CNKSR2: variants seen among roughly 807,000 people sequenced by gnomAD.
CNKSR2 encodes CNK homolog protein 2.
A neutral mutation model predicts 84.4 loss-of-function variants in CNKSR2; 14 were observed. The ratio of observed to expected loss-of-function variants is 0.17; its 90% CI spans 0.11 to 0.26. CNKSR2 has a LOEUF of 0.26. CNKSR2 is among the 10% of genes least tolerant of loss of function. The probability of loss-of-function intolerance (pLI) is 1.00; values close to 1 mark genes in which losing one functional copy is unlikely to be tolerated. For synonymous variants in CNKSR2, 275 were observed against 277.9 expected (o/e 0.99, Z 0.10); for missense variants, 485 against 771.2 (o/e 0.63, Z 4.40).
intron 10 of CNKSR2, among the ~76,000 whole-genome samples, chrX:21,530,867 A>G (rs1217876298): frequency 1.8e-5 from 2 of 110,705 alleles, no homozygotes; most frequent in East Asian, 2.8e-4. Flanking sequence ...TTAATTACCT[A>G]TTGCAGTGTG....
rs139275873 is a variant in CNKSR2 at position 21,558,103 on chromosome X, C to T, written c.1304-3368C>T. 8.7e-3 allele frequency among the ~76,000 whole-genome samples: 968 copies of T among 111,326 alleles called. 7 individuals carry two copies. The highest frequency in any genetic ancestry group is 0.028 in the African/African-American group (871 of 30,806). On this transcript the variant is annotated intron_variant, in intron 11 of 21. Transcript: ENST00000379510. ...TCATAGATTTATCTTTCCATTTGAA[C>T]TTTGCTGTCCTGTGAAATTAAAATG...
In CNKSR2 at chrX:21,531,905, G is replaced by A; in HGVS notation, c.1141G>A (p.Gly381Ser). Residue 381 changes from glycine (G) to serine (S), a missense_variant, in exon 11 of 22, where the codon GGC becomes AGC. By Grantham distance (56) the Gly-to-Ser change is moderately conservative (BLOSUM62 0). This residue lies in a region of CNKSR2 where 132 missense variants were observed against 166.7 expected (regional missense o/e 0.79). Coordinates refer to ENST00000379510, the MANE Select transcript of CNKSR2 (RefSeq NM_014927.5). The part of the protein sequence containing the change: ...PCEDLRGHMV[G>S]KPVHKGSESP... ...TGAAGACCTCAGAGGACATATGGTG[G>A]GCAAGCCAGTGCATAAGGGATCTGA... is the stretch of plus-strand genomic sequence containing the variant. The A allele has an allele frequency of 8.3e-7, 1 of 1,207,201 alleles. No homozygotes were observed. Among genetic ancestry groups the A allele is most frequent in the Non-Finnish European group, 1.1e-6 (1 of 892,295 alleles).
rs57674975 is a variant in CNKSR2, at chrX:21,536,829, G to GTT, written c.1303+4775_1303+4776dup. Among the ~76,000 whole-genome samples, 172 of 93,102 alleles carry GTT rather than the reference G, an allele frequency of 1.8e-3. 1 individual carries two copies. The highest frequency in any genetic ancestry group is 5.7e-3 in the Middle Eastern group (1 of 174). 80.8% of individuals were successfully genotyped at this position (93,102 alleles called of 115,157 possible). A position where few individuals can be genotyped will look rare whatever the true frequency, so the allele number is the denominator to read the frequency against. On this transcript the variant is annotated intron_variant, in intron 11 of 21. Coordinates refer to ENST00000379510, the MANE Select transcript of CNKSR2 (RefSeq NM_014927.5). ...TTTTCGTTTTGTTGGTCTTCTGTAG[G>GTT]TTTTTTTTTTTTTTGTCTCTTTCAT...
At chrX:21,446,623 T>C (rs2090859152) in intron 4 of CNKSR2, among the ~76,000 whole-genome samples, 1 of 111,591 alleles carries the variant, frequency 9.0e-6, no homozygotes, top group Admixed American at 9.5e-5. Context: ...ATATGGATGC[T>C]GAAATAGATT....
intron 4 of CNKSR2, among the ~76,000 whole-genome samples, chrX:21,447,992 T>C (rs898224583): frequency 7.2e-5 from 8 of 111,090 alleles, no homozygotes; most frequent in Non-Finnish European, 1.5e-4. Flanking sequence ...ATAGCAATTG[T>C]GCTATACTCA....
chrX:21,641,462 A>T, intron 20 of CNKSR2: 1 of 1,115,965 alleles, frequency 9.0e-7, no homozygotes, highest in Non-Finnish European at 1.2e-6. Flanking sequence ...TAATACAAAT[A>T]CTAATATGCT....
rs2089767238 is a variant in CNKSR2, at chrX:21,374,533, T to A, written c.-365T>A. ...CTGCTTCCCTCGGCGACGCGACCCC[T>A]CAGCAACTCAAGCTATGAACTGAAG... On this transcript the variant is annotated 5_prime_UTR_variant, in exon 1 of 22. Transcript: ENST00000379510. 2.3e-6 allele frequency: 1 copy of A among 432,138 alleles called. No individual in the cohort carries two copies. The highest frequency in any genetic ancestry group is 2.9e-5 in the South Asian group (1 of 34,751). 35.6% of individuals were successfully genotyped at this position (432,138 alleles called of 1,213,427 possible).
At chrX:21,528,706 T>A (rs1490901484) in intron 10 of CNKSR2, among the ~76,000 whole-genome samples, 2 of 111,441 alleles carry the variant, frequency 1.8e-5, no homozygotes, top group Non-Finnish European at 3.8e-5. Flanking sequence ...TCCATACTTT[T>A]CTGTAAAATT....
intron 1 of CNKSR2, among the ~76,000 whole-genome samples, chrX:21,412,435 C>T (rs1324330503): frequency 8.9e-6 from 1 of 111,806 alleles, no homozygotes; most frequent in African/African-American, 3.3e-5. Flanking sequence ...TTCTAGTGTA[C>T]AATTTTCAGC....
At position 21,464,423 on chromosome X, in the gene CNKSR2, G is replaced by A. The variant is rs1336811482; in HGVS notation, c.520-6343G>A. ...TGATATGAAGTTAAAACTAGGTATTGTGAGTACTCACCTGATTTTTGGTTC... is the reference window on the plus strand; with the variant it reads ...TGATATGAAGTTAAAACTAGGTATTATGAGTACTCACCTGATTTTTGGTTC... On this transcript the variant is annotated intron_variant, in intron 4 of 21. Transcript: ENST00000379510. Among the ~76,000 whole-genome samples, 3 of 111,980 alleles carry A rather than the reference G, an allele frequency of 2.7e-5. No homozygotes were observed. The East Asian group carries it at 8.5e-4, about 32-fold the overall frequency.
intron 9 of CNKSR2, among the ~76,000 whole-genome samples, chrX:21,519,070 C>T (rs1282454740): frequency 1.8e-5 from 2 of 110,724 alleles, no homozygotes; most frequent in East Asian, 5.7e-4. Context: ...TAAATATTTT[C>T]TAGTGGCTAA....
intron 2 of CNKSR2, chrX:21,429,271 G>A (rs2090604362): frequency 8.9e-6 from 1 of 111,815 alleles, no homozygotes; most frequent in Non-Finnish European, 1.9e-5. Flanking sequence ...TAACATATAT[G>A]ACAAACACAG....
chrX:21,609,015 G>A, intron 19 of CNKSR2, 56 bp from the exon 20 acceptor site: 1 of 1,145,662 alleles, frequency 8.7e-7, no homozygotes, highest in South Asian at 2.2e-5. Flanking sequence ...TGTGTTCCTT[G>A]GAATGGAAGT....
At chrX:21,469,726 C>A (rs1033410494) in intron 4 of CNKSR2, among the ~76,000 whole-genome samples, 9 of 110,350 alleles carry the variant, frequency 8.2e-5, no homozygotes, top group African/African-American at 3.0e-4. Flanking sequence ...GCCTGACCAA[C>A]ATGGAGAAAC....
At chrX:21,522,642 T>G (rs982439410) in intron 9 of CNKSR2, among the ~76,000 whole-genome samples, 2 of 110,839 alleles carry the variant, frequency 1.8e-5, no homozygotes, top group African/African-American at 6.5e-5. Flanking sequence ...ATACCTTCTA[T>G]ATGTGCTCAG....
intron 13 of CNKSR2, among the ~76,000 whole-genome samples, chrX:21,564,712 C>T (rs772428615): frequency 9.1e-6 from 1 of 110,247 alleles, no homozygotes. Context: ...AAATCATCTA[C>T]TTATTCTATA....
At chrX:21,620,478 G>A (rs781306045) in intron 20 of CNKSR2, among the ~76,000 whole-genome samples, 7 of 110,666 alleles carry the variant, frequency 6.3e-5, no homozygotes, top group African/African-American at 2.3e-4. Flanking sequence ...TTAGAGTTTT[G>A]AGGCACTTAT....
At chrX:21,646,402 G>A (rs1490783449) in intron 20 of CNKSR2, among the ~76,000 whole-genome samples, 2 of 111,778 alleles carry the variant, frequency 1.8e-5, no homozygotes, top group Admixed American at 9.5e-5. Context: ...ACCTATGTAT[G>A]TCATTTTATA....
rs189736670 is a variant in CNKSR2 at position 21,409,732 on chromosome X, G to A, written c.65-16765G>A. On this transcript the variant is annotated intron_variant, in intron 1 of 21. Coordinates refer to ENST00000379510, the MANE Select transcript of CNKSR2 (RefSeq NM_014927.5). ...TTGTGAAGGTTGAGGCTAATTTTTC[G>A]TTTAGCCTGGTGAATTTCTCCACAG... Among the ~76,000 whole-genome samples the A allele has an allele frequency of 2.7e-3, 295 of 110,629 alleles. 3 individuals are homozygous for A. Among genetic ancestry groups the A allele is most frequent in the African/African-American group, 8.9e-3 (272 of 30,570 alleles).
Sources: gnomAD v4.1 joint callset for allele counts (sites outside exome capture counted in the v4.1 genomes callset) on GRCh38, gnomAD v4.1.1 for gene constraint, gnomAD v4.1.1 regional missense constraint, MANE v1.5 for transcripts, NCBI Gene and HGNC (gene_info 2026-07-23, HGNC 2026-07-21) for gene names.